The following SECISBP2L variants were observed in gnomAD, a reference collection of about 807,000 sequenced individuals.
The protein encoded by SECISBP2L is selenocysteine insertion sequence-binding protein 2-like.
SECISBP2L carries 43 observed loss-of-function variants against 114.7 expected under a neutral mutation model. The observed-to-expected ratio is 0.38, with a 90% CI of 0.29 to 0.48. The LOEUF is 0.48. Among genes scored for constraint, SECISBP2L ranks in the 20% least tolerant of loss-of-function variants. SECISBP2L has a pLI of 0.98. For missense variants in SECISBP2L, 1,136 were observed against 1,301.1 expected, an observed-to-expected ratio of 0.87 and a Z score of 1.95; for synonymous variants, 451 against 439.7, an observed-to-expected ratio of 1.03 and a Z score of -0.32.
chr15:49,039,339 A>G (rs1285251445), intron 1 of SECISBP2L, among the ~76,000 whole-genome samples: 1 of 152,196 alleles, frequency 6.6e-6, no homozygotes, highest in Admixed American at 6.5e-5. Context: ...TCACTTATAT[A>G]GGACACAATA....
chr15:49,002,921 T>C (rs1902241373), intron 14 of SECISBP2L, among the ~76,000 whole-genome samples: 1 of 152,240 alleles, frequency 6.6e-6, no homozygotes, highest in South Asian at 2.1e-4. Context: ...TAGGATTGTC[T>C]TGGCTATATG....
intron 1 of SECISBP2L, among the ~76,000 whole-genome samples, chr15:49,045,259 C>T (rs1273853548): frequency 6.6e-6 from 1 of 152,092 alleles, no homozygotes; most frequent in Non-Finnish European, 1.5e-5. Flanking sequence ...AGTCCGATTT[C>T]AAAATACAAA....
At chr15:49,028,753 T>G (rs1236535139) in intron 4 of SECISBP2L, 71 bp from the exon 5 acceptor site, 2 of 1,257,820 alleles carry the variant, frequency 1.6e-6, no homozygotes, top group East Asian at 2.3e-5. Context: ...AAATCATCAT[T>G]AAGATTGTAA....
chr15:49,017,705 A>C (rs1005282417), intron 8 of SECISBP2L, 77 bp from the exon 9 acceptor site: 27 of 962,228 alleles, frequency 2.8e-5, no homozygotes, highest in Non-Finnish European at 4.0e-5. Flanking sequence ...GAAGTATTGA[A>C]AAATGAGGAA....
chr15:48,994,200 G>A (rs1021103742), intron 17 of SECISBP2L, among the ~76,000 whole-genome samples: 7 of 151,644 alleles, frequency 4.6e-5, no homozygotes, highest in Admixed American at 4.6e-4. Flanking sequence ...ACACCTTATA[G>A]TAACACTTGA....
chr15:49,009,955 A>C (rs2141067912), intron 13 of SECISBP2L, among the ~76,000 whole-genome samples: 1 of 151,768 alleles, frequency 6.6e-6, no homozygotes, highest in Non-Finnish European at 1.5e-5. Context: ...ACATGGTGAA[A>C]CCCCATCTCT....
intron 4 of SECISBP2L, among the ~76,000 whole-genome samples, 173 bp from the exon 5 acceptor site, chr15:49,028,855 CATA>C (rs2141079975): frequency 1.3e-5 from 2 of 152,216 alleles, no homozygotes; most frequent in South Asian, 4.1e-4. Context: ...TAAGTTGGTT[CATA>C]ATGTTTTTTG....
In SECISBP2L at chr15:49,032,979, G is replaced by A; in HGVS notation, c.650C>T (p.Ala217Val). The change falls in exon 4 of 18, where the codon GCT becomes GTT. Residue 217 changes from alanine to valine, a missense_variant. Coordinates refer to ENST00000559471, the MANE Select transcript of SECISBP2L (RefSeq NM_001193489.2). ...SRSKIVLLVD[A>V]SQQTDFPSDI... The stretch of plus-strand genomic sequence containing the variant: ...CCTTGCCTTACCAGTTTGCTGTGAA[G>A]CATCTACCAGAAGCACAATTTTTGA... 1 of 1,613,666 alleles carries A rather than the reference G, an allele frequency of 6.2e-7. No individual in the cohort carries two copies.
At chr15:49,037,495 T>C (rs1461338136) in intron 2 of SECISBP2L, 96 bp downstream of exon 2, 2 of 1,080,734 alleles carry the variant, frequency 1.9e-6, no homozygotes, top group Admixed American at 5.1e-5. Context: ...AGAGAAATGG[T>C]TAAAGTCTAA....
At chr15:49,037,228 C>T (rs1361503080) in intron 2 of SECISBP2L, among the ~76,000 whole-genome samples, 2 of 114,536 alleles carry the variant, frequency 1.7e-5, no homozygotes, top group Non-Finnish European at 3.3e-5. Context: ...TTTTCTTTTA[C>T]ACCAGAGACT....
At chr15:48,997,332 T>C (rs1031514301) in intron 16 of SECISBP2L, among the ~76,000 whole-genome samples, 3 of 152,190 alleles carry the variant, frequency 2.0e-5, no homozygotes, top group African/African-American at 7.2e-5. Context: ...TGTTTACTTT[T>C]TGGAATAACT....
At chr15:49,040,350 T>C (rs1903097744) in intron 1 of SECISBP2L, among the ~76,000 whole-genome samples, 1 of 152,062 alleles carries the variant, frequency 6.6e-6, no homozygotes. Flanking sequence ...AGTCAACAGC[T>C]GCACAAACAG....
chr15:49,018,464 G>A (rs540376485), intron 8 of SECISBP2L, among the ~76,000 whole-genome samples: 7 of 152,018 alleles, frequency 4.6e-5, no homozygotes, highest in Non-Finnish European at 7.4e-5. Context: ...CACCACGTTG[G>A]CCAGGCTGGT....
chr15:49,032,016 A>T (rs1054307315), intron 4 of SECISBP2L, among the ~76,000 whole-genome samples: 1 of 152,208 alleles, frequency 6.6e-6, no homozygotes. Flanking sequence ...CCACACAATG[A>T]CTGTACTATC....
intron 1 of SECISBP2L, among the ~76,000 whole-genome samples, chr15:49,044,537 A>C (rs1165770213): frequency 6.6e-6 from 1 of 152,132 alleles, no homozygotes; most frequent in African/African-American, 2.4e-5. Context: ...ATATTTTCTG[A>C]GTGTATAGGG....
intron 7 of SECISBP2L, among the ~76,000 whole-genome samples, chr15:49,025,438 T>C (rs1419947933): frequency 6.6e-6 from 1 of 152,222 alleles, no homozygotes; most frequent in Non-Finnish European, 1.5e-5. Flanking sequence ...ATACACCTTA[T>C]GCACATAGCC....
At chr15:49,005,286 C>T (rs867906628) in intron 14 of SECISBP2L, among the ~76,000 whole-genome samples, 10 of 152,022 alleles carry the variant, frequency 6.6e-5, no homozygotes, top group African/African-American at 2.2e-4. Flanking sequence ...GCCGAGATCG[C>T]GCCACTGCAC....
At chr15:49,021,096 C>A (rs540567444) in intron 7 of SECISBP2L, among the ~76,000 whole-genome samples, 1 of 152,002 alleles carries the variant, frequency 6.6e-6, no homozygotes, top group Admixed American at 6.6e-5. Flanking sequence ...AGAGCCATCA[C>A]AAATGGGATT....
chr15:48,996,494 T>C lies in SECISBP2L; in HGVS notation c.2496A>G (p.Glu832=). Residue 832 remains glutamate, a synonymous_variant, in exon 17 of 18, where the codon GAA becomes GAG. Transcript: ENST00000559471. ...GTACCTTCTTCACATTCTTTAAGGC[T>C]TCCTCAGCCTGCTCCTGTTCCATTG... is the stretch of plus-strand genomic sequence containing the variant. ...VAAMEQEQAE[E]ALKNVKKVPH... 6.2e-7 allele frequency: 1 copy of C among 1,614,158 alleles called. No homozygotes were observed. The highest frequency in any genetic ancestry group is 8.5e-7 in the Non-Finnish European group (1 of 1,180,006).
Sources: gnomAD v4.1 joint callset for allele counts (sites outside exome capture counted in the v4.1 genomes callset) on GRCh38, gnomAD v4.1.1 for gene constraint, MANE v1.5 for transcripts, NCBI Gene and HGNC (gene_info 2026-07-23, HGNC 2026-07-21) for gene names.